The following DGKB variants were observed in gnomAD, a reference collection of about 807,000 sequenced individuals.
DGKB encodes the protein diacylglycerol kinase beta.
Under a neutral mutation model 114.3 loss-of-function variants are expected in DGKB, and 67 were observed. That is an observed-to-expected ratio of 0.59 (90% CI 0.48 to 0.72). The LOEUF is 0.72. Ranked by LOEUF, DGKB falls within the 30% of genes least tolerant of loss-of-function variation. The probability of loss-of-function intolerance (pLI) is 0.00; values close to 1 mark genes in which losing one functional copy is unlikely to be tolerated. For missense variants in DGKB, 907 were observed against 975.2 expected (o/e 0.93, Z 0.93); for synonymous variants, 398 against 323.1 (o/e 1.23, Z -2.49).
chr7:14,796,317 C>G (rs1259074985), intron 2 of DGKB, among the ~76,000 whole-genome samples: 1 of 152,104 alleles, frequency 6.6e-6, no homozygotes, highest in Non-Finnish European at 1.5e-5. Flanking sequence ...AAGACAGTAG[C>G]CAACACCATA....
chr7:14,682,427 G>C (rs929170608), intron 12 of DGKB, 126 bp downstream of exon 12: 12 of 674,416 alleles, frequency 1.8e-5, no homozygotes, highest in Non-Finnish European at 3.1e-5. Context: ...GAAATGAGAA[G>C]TTTCCATGGT....
At chr7:14,432,602 G>T (rs1479125322) in intron 21 of DGKB, among the ~76,000 whole-genome samples, 3 of 152,158 alleles carry the variant, frequency 2.0e-5, no homozygotes, top group African/African-American at 7.2e-5. Context: ...TATCCACAAG[G>T]TTTTCTGGCT....
chr7:14,565,687 C>T (rs899551943), intron 20 of DGKB, among the ~76,000 whole-genome samples: 3 of 152,050 alleles, frequency 2.0e-5, no homozygotes, highest in Admixed American at 2.0e-4. Flanking sequence ...TGGACACTGT[C>T]GATTTTATTT....
chr7:14,455,760 A>G (rs1002680395), intron 21 of DGKB, among the ~76,000 whole-genome samples: 6 of 152,044 alleles, frequency 3.9e-5, no homozygotes, highest in Non-Finnish European at 5.9e-5. Flanking sequence ...AGATATAAGA[A>G]AGTTTTTAAT....
chr7:14,600,273 C>G (rs1291783609), intron 17 of DGKB, among the ~76,000 whole-genome samples: 1 of 152,128 alleles, frequency 6.6e-6, no homozygotes, highest in Non-Finnish European at 1.5e-5. Flanking sequence ...CCCTCATAAC[C>G]TAATCATTTG....
At chr7:14,199,052 C>T (rs1211353988) in intron 23 of DGKB, among the ~76,000 whole-genome samples, 1 of 152,010 alleles carries the variant, frequency 6.6e-6, no homozygotes, top group East Asian at 1.9e-4. Context: ...TACCCTATCT[C>T]TAAAAGAGAA....
At chr7:14,750,377 G>A (rs1314243494) in intron 4 of DGKB, among the ~76,000 whole-genome samples, 5 of 152,154 alleles carry the variant, frequency 3.3e-5, no homozygotes, top group Admixed American at 1.3e-4. Context: ...GTAATGGTAC[G>A]ATTATTCAGT....
At chr7:14,537,590 A>C (rs1792721317) in intron 20 of DGKB, among the ~76,000 whole-genome samples, 1 of 152,202 alleles carries the variant, frequency 6.6e-6, no homozygotes, top group East Asian at 1.9e-4. Context: ...CCCCTCCAAA[A>C]GAATGAAATC....
rs1830259685 is a variant in DGKB, at chr7:14,442,885, A to T, written c.1835+35276T>A. Among the ~76,000 whole-genome samples, 3 of 152,032 alleles carry T rather than the reference A, an allele frequency of 2.0e-5. No individual in the cohort carries two copies. The South Asian group carries it at 6.2e-4, about 32-fold the overall frequency. ...TTTTTAAATCTATAATGTACATATG[A>T]TTTTGAATGTCTAAGTAAACATCTT... On this transcript the variant is annotated intron_variant, in intron 21 of 25. Transcript: ENST00000402815.
intron 13 of DGKB, among the ~76,000 whole-genome samples, chr7:14,668,369 C>T (rs937464400): frequency 1.3e-5 from 2 of 152,044 alleles, no homozygotes; most frequent in African/African-American, 4.8e-5. Context: ...GTTTCAGTAG[C>T]TGAGATACAA....
chr7:14,898,203 G>A (rs956348296), intron 1 of DGKB, among the ~76,000 whole-genome samples: 6 of 152,096 alleles, frequency 3.9e-5, no homozygotes, highest in African/African-American at 7.2e-5. Flanking sequence ...CATGGAGAGC[G>A]GGCAGAGGAG....
chr7:14,923,590 T>C (rs1052787202), intron 1 of DGKB, among the ~76,000 whole-genome samples: 1 of 152,222 alleles, frequency 6.6e-6, no homozygotes, highest in African/African-American at 2.4e-5. Context: ...CATTATTTCC[T>C]CCTTGAAACA....
At chr7:14,693,851 T>G (rs1823340299) in intron 9 of DGKB, among the ~76,000 whole-genome samples, 1 of 152,040 alleles carries the variant, frequency 6.6e-6, no homozygotes, top group Non-Finnish European at 1.5e-5. Context: ...GAGAATATAT[T>G]TTTAATCCTG....
At chr7:14,544,410 CAAAGTGAATA>C (rs1224469058) in intron 20 of DGKB, among the ~76,000 whole-genome samples, 1 of 152,056 alleles carries the variant, frequency 6.6e-6, no homozygotes, top group Non-Finnish European at 1.5e-5. Context: ...GCTTGTAGAA[CAAAGTGAATA>C]AATGTAAAAT....
intron 2 of DGKB, among the ~76,000 whole-genome samples, chr7:14,758,971 C>A (rs953444346): frequency 1.3e-5 from 2 of 148,448 alleles, no homozygotes; most frequent in African/African-American, 5.2e-5. Context: ...GTTACCCAGG[C>A]TGGAGTGCAA....
intron 23 of DGKB, among the ~76,000 whole-genome samples, chr7:14,274,233 C>A (rs1798672166): frequency 6.6e-6 from 1 of 152,182 alleles, no homozygotes; most frequent in South Asian, 2.1e-4. Context: ...TGGCACTGTA[C>A]TCAGGAGATT....
intron 1 of DGKB, among the ~76,000 whole-genome samples, chr7:14,934,939 C>A (rs1218093149): frequency 6.6e-6 from 1 of 152,072 alleles, no homozygotes; most frequent in African/African-American, 2.4e-5. Context: ...ATAATTCTAC[C>A]TACAGCCTAA....
At chr7:14,157,172 G>C (rs1783141081) in intron 25 of DGKB, among the ~76,000 whole-genome samples, 1 of 152,010 alleles carries the variant, frequency 6.6e-6, no homozygotes, top group Non-Finnish European at 1.5e-5. Flanking sequence ...GCTTAATTTA[G>C]CAATTATCTG....
At chr7:14,722,719 GGA>G (rs143465347) in intron 5 of DGKB, among the ~76,000 whole-genome samples, 6,830 of 152,046 alleles carry the variant, frequency 0.045, 508 homozygotes, top group African/African-American at 0.16. Flanking sequence ...GGTTGAGGCA[GGA>G]GAATCGCTGG....
Sources: gnomAD v4.1 joint callset for allele counts (sites outside exome capture counted in the v4.1 genomes callset) on GRCh38, gnomAD v4.1.1 for gene constraint, MANE v1.5 for transcripts, NCBI Gene and HGNC (gene_info 2026-07-23, HGNC 2026-07-21) for gene names.